Variants in SORCS1 observed in about 807,000 individuals in gnomAD.
SORCS1 encodes VPS10 domain-containing receptor SorCS1.
Under a neutral mutation model 146.1 loss-of-function variants are expected in SORCS1, and 60 were observed. That is an observed-to-expected ratio of 0.41 (90% CI 0.33 to 0.51). The LOEUF (loss-of-function observed/expected upper bound fraction) is 0.51, where lower values mean the gene tolerates loss of function less well. Ranked by LOEUF, SORCS1 falls within the 20% of genes least tolerant of loss-of-function variation. The pLI is 0.21. For synonymous variants in SORCS1, 637 were observed against 584.0 expected (o/e 1.09, Z -1.31); for missense variants, 1,352 against 1,487.6 (o/e 0.91, Z 1.50).
intron 2 of SORCS1, among the ~76,000 whole-genome samples, chr10:106,891,417 A>C (rs944779777): frequency 2.0e-5 from 3 of 152,054 alleles, no homozygotes; most frequent in Admixed American, 2.0e-4. Context: ...TAGGTATCAA[A>C]TATATGAATG....
chr10:106,659,062 C>A (rs144619711), intron 17 of SORCS1, among the ~76,000 whole-genome samples: 155 of 152,318 alleles, frequency 1.0e-3, no homozygotes, highest in African/African-American at 3.4e-3. Flanking sequence ...TCAGGAGTGA[C>A]AATGTGTCCA....
intron 1 of SORCS1, among the ~76,000 whole-genome samples, chr10:107,015,716 T>C (rs561295872): frequency 6.6e-6 from 1 of 152,342 alleles, no homozygotes; most frequent in East Asian, 1.9e-4. Flanking sequence ...CAAGGACTCT[T>C]TCCCCATTAT....
intron 1 of SORCS1, among the ~76,000 whole-genome samples, chr10:107,144,584 G>A (rs1027188055): frequency 6.6e-6 from 1 of 152,216 alleles, no homozygotes; most frequent in African/African-American, 2.4e-5. Context: ...TAAAGAAAGA[G>A]CATGACTCTG....
intron 2 of SORCS1, among the ~76,000 whole-genome samples, chr10:106,859,678 T>A (rs1949937173): frequency 6.6e-6 from 1 of 152,088 alleles, no homozygotes; most frequent in Admixed American, 6.6e-5. Context: ...CAGGCATGAG[T>A]CACTACCGGC....
At chr10:107,132,139 C>G (rs1966902523) in intron 1 of SORCS1, among the ~76,000 whole-genome samples, 1 of 152,128 alleles carries the variant, frequency 6.6e-6, no homozygotes, top group African/African-American at 2.4e-5. Flanking sequence ...CTCTCACCCT[C>G]TCTCCCTTTC....
rs189800027 is a variant in SORCS1 at position 106,954,762 on chromosome 10, C to T, written c.626+1751G>A. ...CAATATGTTTTTCTCTTTCTACCTA[C>T]GGCCTGCACCTCCCCCATTTTGAGC... On this transcript the variant is annotated intron_variant, in intron 2 of 25. Transcript: ENST00000263054. 1.1e-4 allele frequency among the ~76,000 whole-genome samples: 17 copies of T among 152,228 alleles called. No homozygotes were observed. In the East Asian group the frequency reaches 1.9e-3, roughly 17 times the overall value.
chr10:106,686,820 G>A (rs1359920029), intron 10 of SORCS1, among the ~76,000 whole-genome samples: 5 of 152,226 alleles, frequency 3.3e-5, no homozygotes, highest in South Asian at 4.1e-4. Context: ...AGGGTGACCC[G>A]CCTACAGCTG....
rs142902500 is a variant in SORCS1, at chr10:107,059,967, G to A, written c.559-103387C>T. Reference sequence around the variant, plus strand: ...TAAAATTGAATTACGAAGTACATTAGAATGCCAGAGATTTGATTATTATGA... The same window carrying A: ...TAAAATTGAATTACGAAGTACATTAAAATGCCAGAGATTTGATTATTATGA... On this transcript the variant is annotated intron_variant, in intron 1 of 25. Coordinates refer to ENST00000263054, the MANE Select transcript of SORCS1 (RefSeq NM_052918.5). Among the ~76,000 whole-genome samples, 589 of 152,080 alleles carry A rather than the reference G, an allele frequency of 3.9e-3. 4 individuals carry two copies. Among genetic ancestry groups the A allele is most frequent in the African/African-American group, 0.013 (544 of 41,468 alleles).
chr10:107,083,570 G>A (rs1963512095), intron 1 of SORCS1, among the ~76,000 whole-genome samples: 1 of 152,154 alleles, frequency 6.6e-6, no homozygotes, highest in Non-Finnish European at 1.5e-5. Context: ...AGGCTAAAAT[G>A]TGGCCATTAG....
chr10:106,781,518 G>C (rs1380619074), intron 3 of SORCS1, among the ~76,000 whole-genome samples: 1 of 152,114 alleles, frequency 6.6e-6, no homozygotes, highest in African/African-American at 2.4e-5. Flanking sequence ...CAACAGCAAA[G>C]AAAAACAGCA....
At chr10:107,033,352 C>A (rs1053550501) in intron 1 of SORCS1, among the ~76,000 whole-genome samples, 7 of 152,034 alleles carry the variant, frequency 4.6e-5, no homozygotes, top group African/African-American at 7.3e-5. Flanking sequence ...TGAGTGGGGA[C>A]GTAGAGCCAA....
At chr10:106,719,416 TTC>T (rs1491512429) in intron 6 of SORCS1, among the ~76,000 whole-genome samples, 2,195 of 76,150 alleles carry the variant, frequency 0.029, 54 homozygotes, top group African/African-American at 0.075. Flanking sequence ...GTTTCTTTCT[TTC>T]TTTTTTTTTT....
chr10:106,982,779 C>T (rs1468824133), intron 1 of SORCS1, among the ~76,000 whole-genome samples: 1 of 152,092 alleles, frequency 6.6e-6, no homozygotes, highest in Non-Finnish European at 1.5e-5. Flanking sequence ...AAACTGCATT[C>T]CAACATTATC....
chr10:106,956,981 G>C (rs373363933), intron 1 of SORCS1, among the ~76,000 whole-genome samples: 10 of 152,302 alleles, frequency 6.6e-5, no homozygotes, highest in East Asian at 3.9e-4. Context: ...GCATTGAGCA[G>C]ATTACCCAAT....
At chr10:107,014,285 A>AGG (rs1957808191) in intron 1 of SORCS1, among the ~76,000 whole-genome samples, 1 of 146,378 alleles carries the variant, frequency 6.8e-6, no homozygotes, top group Non-Finnish European at 1.5e-5. Context: ...AAAGAAAAAA[A>AGG]GAGAGAGAGA....
chr10:107,126,711 C>G (rs1966733010), intron 1 of SORCS1, among the ~76,000 whole-genome samples: 1 of 152,066 alleles, frequency 6.6e-6, no homozygotes, highest in South Asian at 2.1e-4. Context: ...AGAGGCACTT[C>G]TTTTGATGGA....
chr10:107,021,996 G>A (rs867529666), intron 1 of SORCS1, among the ~76,000 whole-genome samples: 1 of 152,114 alleles, frequency 6.6e-6, no homozygotes, highest in Non-Finnish European at 1.5e-5. Context: ...TCCTACTTGT[G>A]GAGATCGCTC....
At chr10:106,697,774 C>G (rs1431285957) in intron 9 of SORCS1, among the ~76,000 whole-genome samples, 1 of 152,130 alleles carries the variant, frequency 6.6e-6, no homozygotes. Context: ...TCAGAAATTA[C>G]TGGATTTGTC....
chr10:107,018,232 T>C lies in SORCS1; in HGVS notation c.559-61652A>G, dbSNP rs542761486. Among the ~76,000 whole-genome samples, 5 of 152,202 alleles carry C rather than the reference T, an allele frequency of 3.3e-5. No homozygotes were observed. The East Asian group carries it at 7.7e-4, about 24-fold the overall frequency. On this transcript the variant is annotated intron_variant, in intron 1 of 25. Coordinates refer to ENST00000263054, the MANE Select transcript of SORCS1 (RefSeq NM_052918.5). ...CTCCGTCGCCCAGGCTGGAGTGCAG[T>C]GGCGCAATCTTGGCTCACTGCAAGC...
Sources: allele counts gnomAD v4.1 joint callset (sites outside exome capture counted in the v4.1 genomes callset), GRCh38; gene constraint gnomAD v4.1.1; transcripts MANE v1.5; gene names NCBI Gene and HGNC (gene_info 2026-07-23, HGNC 2026-07-21).